The following CACNG2 variants were observed in gnomAD, a reference collection of about 807,000 sequenced individuals.
The protein encoded by CACNG2 is calcium voltage-gated channel auxiliary subunit gamma 2.
Under a neutral mutation model 25.9 loss-of-function variants are expected in CACNG2, and 3 were observed. The observed-to-expected ratio is 0.12, with a 90% CI of 0.05 to 0.30. The LOEUF (loss-of-function observed/expected upper bound fraction) is 0.30, where lower values mean the gene tolerates loss of function less well. CACNG2 is among the 10% of genes least tolerant of loss of function. CACNG2 has a pLI of 1.00. For missense variants in CACNG2, 341 were observed against 432.5 expected (o/e 0.79, Z 1.88); for synonymous variants, 167 against 173.3 (o/e 0.96, Z 0.29).
intron 2 of CACNG2, among the ~76,000 whole-genome samples, chr22:36,581,363 C>A (rs184094233): frequency 1.4e-4 from 21 of 152,270 alleles, no homozygotes; most frequent in East Asian, 9.6e-4. Flanking sequence ...TTCATTAATT[C>A]ATTCATTCAT....
At chr22:36,632,275 G>A (rs896763979) in intron 1 of CACNG2, among the ~76,000 whole-genome samples, 3 of 152,160 alleles carry the variant, frequency 2.0e-5, no homozygotes, top group African/African-American at 7.2e-5. Flanking sequence ...GGAGCTCTGC[G>A]GTCTGGCACA....
chr22:36,564,695 C>T lies in CACNG2; in HGVS notation c.628G>A (p.Ala210Thr). ...MFIDRHKQLR[A>T]TARATDYLQA... ...AGGTAGTCCGTGGCGCGGGCCGTGG[C>T]CCGCAGCTGTTTGTGCCGGTCGATA... is the stretch of plus-strand genomic sequence containing the variant. The change falls in exon 4 of 4, where the codon GCC (alanine) becomes ACC (threonine). Residue 210 changes from alanine to threonine, a missense_variant. Coordinates refer to ENST00000300105, the MANE Select transcript of CACNG2 (RefSeq NM_006078.5). The surrounding 1 kb of genome is among the most constrained non-coding windows in gnomAD (Gnocchi z 6.7). The T allele has an allele frequency of 1.9e-6, 3 of 1,614,058 alleles. No homozygotes were observed. The highest frequency in any genetic ancestry group is 2.5e-6 in the Non-Finnish European group (3 of 1,180,014).
At chr22:36,682,566 T>C (rs1161540813) in intron 1 of CACNG2, among the ~76,000 whole-genome samples, 3 of 148,784 alleles carry the variant, frequency 2.0e-5, no homozygotes, top group African/African-American at 7.4e-5. Flanking sequence ...TGGTGACTTG[T>C]ATAGAACCTG....
intron 1 of CACNG2, among the ~76,000 whole-genome samples, chr22:36,626,512 G>A (rs977126045): frequency 1.3e-5 from 2 of 151,952 alleles, no homozygotes; most frequent in Admixed American, 1.3e-4. Flanking sequence ...TGGACAAAAT[G>A]TAAGATCAGA....
chr22:36,653,535 G>A (rs1936654223), intron 1 of CACNG2, among the ~76,000 whole-genome samples: 2 of 152,338 alleles, frequency 1.3e-5, no homozygotes, highest in South Asian at 2.1e-4. Flanking sequence ...TGCTTCCTCC[G>A]TCAGGCACCT....
chr22:36,580,672 C>T (rs1030899640), intron 2 of CACNG2, among the ~76,000 whole-genome samples: 9 of 152,158 alleles, frequency 5.9e-5, no homozygotes, highest in Admixed American at 4.6e-4. Context: ...GACCATACCC[C>T]GCAGTCCTGG....
In CACNG2 at chr22:36,606,416, G is replaced by T. The variant is rs6000347; in HGVS notation, c.212-18868C>A. ...TGGAGGGACAGAGGGGTGAAGGAAC[G>T]CCTCTAAAGATTCATTGCTCGTGTA... On this transcript the variant is annotated intron_variant, in intron 1 of 3. Transcript: ENST00000300105. This position sits in a 1 kb window ranked among gnomAD's most constrained non-coding sequence, Gnocchi z 5.7. 2.7e-4 allele frequency among the ~76,000 whole-genome samples: 41 copies of T among 152,244 alleles called. No homozygotes were observed. Among genetic ancestry groups the T allele is most frequent in the African/African-American group, 9.9e-4 (41 of 41,540 alleles).
At chr22:36,697,065 A>T (rs553966437) in intron 1 of CACNG2, among the ~76,000 whole-genome samples, 13 of 152,330 alleles carry the variant, frequency 8.5e-5, no homozygotes, top group African/African-American at 3.1e-4. Flanking sequence ...AAACCCATGG[A>T]TCATTTACAC....
intron 1 of CACNG2, among the ~76,000 whole-genome samples, chr22:36,632,406 T>G (rs1936285811): frequency 6.6e-6 from 1 of 152,072 alleles, no homozygotes; most frequent in Non-Finnish European, 1.5e-5. Context: ...TGAATTAAAT[T>G]GGGAAATTCA....
chr22:36,621,950 C>T (rs1006500796), intron 1 of CACNG2, among the ~76,000 whole-genome samples: 6 of 152,210 alleles, frequency 3.9e-5, no homozygotes, highest in Non-Finnish European at 7.3e-5. Context: ...CTGCCAAAGA[C>T]GACAACAATT....
At chr22:36,625,699 A>G (rs1184351595) in intron 1 of CACNG2, among the ~76,000 whole-genome samples, 1 of 152,192 alleles carries the variant, frequency 6.6e-6, no homozygotes, top group Non-Finnish European at 1.5e-5. Context: ...AATCGTGTTT[A>G]TCTTTAACTA....
chr22:36,666,794 G>A (rs1936880859), intron 1 of CACNG2, among the ~76,000 whole-genome samples: 1 of 152,062 alleles, frequency 6.6e-6, no homozygotes, highest in East Asian at 1.9e-4. Flanking sequence ...TCCTAGCCTG[G>A]CATTCAAGGT....
intron 1 of CACNG2, among the ~76,000 whole-genome samples, chr22:36,699,602 C>T (rs936758231): frequency 6.8e-6 from 1 of 146,286 alleles, no homozygotes; most frequent in African/African-American, 2.6e-5. Flanking sequence ...AATCTGTTCG[C>T]AATTTCTCCA....
At chr22:36,686,629 T>A (rs1008213432) in intron 1 of CACNG2, among the ~76,000 whole-genome samples, 10 of 152,144 alleles carry the variant, frequency 6.6e-5, no homozygotes, top group Non-Finnish European at 1.3e-4. Flanking sequence ...GTGCCTTCCG[T>A]CCCACAAGCA....
intron 1 of CACNG2, among the ~76,000 whole-genome samples, chr22:36,661,858 G>A (rs1936800951): frequency 6.6e-6 from 1 of 151,112 alleles, no homozygotes; most frequent in African/African-American, 2.4e-5. Flanking sequence ...ACTTTTCTGA[G>A]CCTCAGTTTC....
intron 1 of CACNG2, among the ~76,000 whole-genome samples, chr22:36,631,882 C>T (rs1038798967): frequency 6.6e-6 from 1 of 152,068 alleles, no homozygotes; most frequent in Non-Finnish European, 1.5e-5. Flanking sequence ...AGGGCTGGAC[C>T]TCAGGCTAGA....
At chr22:36,593,976 G>A (rs2145926743) in intron 1 of CACNG2, among the ~76,000 whole-genome samples, 1 of 152,278 alleles carries the variant, frequency 6.6e-6, no homozygotes, top group Non-Finnish European at 1.5e-5. Context: ...CCAGTAAGGG[G>A]AGAGTGGTGA....
intron 1 of CACNG2, among the ~76,000 whole-genome samples, chr22:36,640,576 G>A (rs1936428374): frequency 6.6e-6 from 1 of 152,200 alleles, no homozygotes; most frequent in Non-Finnish European, 1.5e-5. Flanking sequence ...CTGCATCTCG[G>A]TTTCCTCACC....
chr22:36,577,135 A>G (rs1935331947), intron 2 of CACNG2, among the ~76,000 whole-genome samples: 1 of 152,202 alleles, frequency 6.6e-6, no homozygotes, highest in African/African-American at 2.4e-5. Context: ...CACTTAGCTC[A>G]CAGGGTGCTA....
Sources: gnomAD v4.1 joint callset for allele counts (sites outside exome capture counted in the v4.1 genomes callset) on GRCh38, gnomAD v4.1.1 for gene constraint, Gnocchi (gnomAD v3.1) non-coding constraint, MANE v1.5 for transcripts, NCBI Gene and HGNC (gene_info 2026-07-23, HGNC 2026-07-21) for gene names.